The following GNB1 variants were observed in gnomAD, a reference collection of about 807,000 sequenced individuals.
GNB1 encodes guanine nucleotide-binding protein G(I)/G(S)/G(T) subunit beta-1.
Under a neutral mutation model 42.9 loss-of-function variants are expected in GNB1, and 2 were observed. The observed-to-expected ratio is 0.05, with a 90% CI of 0.02 to 0.15. The LOEUF is 0.15. GNB1 is among the 10% of genes least tolerant of loss of function. The pLI, the probability that GNB1 is intolerant of heterozygous loss-of-function variation, is 1.00. For missense variants in GNB1, 193 were observed against 462.2 expected (o/e 0.42, Z 5.34); for synonymous variants, 183 against 174.7 (o/e 1.05, Z -0.38).
intron 2 of GNB1, among the ~76,000 whole-genome samples, chr1:1,837,105 A>T (rs1019090090): frequency 1.9e-4 from 29 of 152,072 alleles, no homozygotes; most frequent in African/African-American, 6.5e-4. Flanking sequence ...TAAGGAGCAG[A>T]AGTTTTAAAT....
At chr1:1,828,536 TA>T (rs368736838) in intron 2 of GNB1, among the ~76,000 whole-genome samples, 11 of 152,324 alleles carry the variant, frequency 7.2e-5, no homozygotes, top group African/African-American at 2.6e-4. Flanking sequence ...TAAGTATCTT[TA>T]AAATGAGCTC....
intron 5 of GNB1, among the ~76,000 whole-genome samples, chr1:1,808,072 T>C (rs1570646931): frequency 1.3e-5 from 2 of 151,800 alleles, no homozygotes; most frequent in African/African-American, 2.4e-5. Flanking sequence ...CAATGGTGCG[T>C]CGGCTCACCG....
chr1:1,857,146 C>T (rs539834023), intron 1 of GNB1, among the ~76,000 whole-genome samples: 2 of 152,210 alleles, frequency 1.3e-5, no homozygotes, highest in Non-Finnish European at 2.9e-5. Flanking sequence ...TAAAACTACT[C>T]CTGACTTCAC....
In GNB1 at chr1:1,818,052, A is replaced by G. The variant is rs189548894; in HGVS notation, c.58-177T>C. 591 of 575,086 alleles carry G rather than the reference A, an allele frequency of 1.0e-3. 2 individuals carry two copies. The highest frequency in any genetic ancestry group is 1.3e-3 in the Non-Finnish European group (395 of 309,422). 35.6% of individuals were successfully genotyped at this position (575,086 alleles called of 1,614,324 possible). On this transcript the variant is annotated intron_variant, in intron 3 of 11. Coordinates refer to ENST00000378609, the MANE Select transcript of GNB1 (RefSeq NM_002074.5). ...CCCCATGGTCTACTACCATCTGTGGACTGTCCAGGCCACGCTGAACAGAGA... is the reference window on the plus strand; with the variant it reads ...CCCCATGGTCTACTACCATCTGTGGGCTGTCCAGGCCACGCTGAACAGAGA...
chr1:1,843,006 A>G (rs1027202945), intron 1 of GNB1, among the ~76,000 whole-genome samples: 2 of 152,210 alleles, frequency 1.3e-5, no homozygotes, highest in Non-Finnish European at 2.9e-5. Flanking sequence ...CCCCAGGAGG[A>G]TATCTGGCAG....
rs145261645 is a variant in GNB1, at chr1:1,827,543, G to A, written c.-46-2044C>T. Among the ~76,000 whole-genome samples the A allele has an allele frequency of 3.0e-3, 450 of 152,308 alleles. 6 individuals carry two copies. Among genetic ancestry groups the A allele is most frequent in the African/African-American group, 0.01 (427 of 41,568 alleles). On this transcript the variant is annotated intron_variant, in intron 2 of 11. Coordinates refer to ENST00000378609, the MANE Select transcript of GNB1 (RefSeq NM_002074.5). The stretch of plus-strand genomic sequence containing the variant: ...CAGTTTATTCTTAAGGGATAAGACT[G>A]GTTAATTCTTTCCCTGGTTTTCACA...
chr1:1,864,337 G>GAAAAAAAAAAAA (rs1245850367), intron 1 of GNB1, among the ~76,000 whole-genome samples: 3 of 91,158 alleles, frequency 3.3e-5, no homozygotes, highest in Non-Finnish European at 4.2e-5. Context: ...AAAAAAAAAA[G>GAAAAAAAAAAAA]AAGAAAACCC....
At chr1:1,887,422 C>T (rs1458367244) in intron 1 of GNB1, among the ~76,000 whole-genome samples, 1 of 152,228 alleles carries the variant, frequency 6.6e-6, no homozygotes, top group Non-Finnish European at 1.5e-5. Context: ...TGGACCAACA[C>T]ACACATAAAA....
rs773238613 is a variant in GNB1 at position 1,825,492 on chromosome 1, T to C, written c.-39A>G. ...TGCTCTTCAATGCCACCTTCAAGAA[T>C]GTGAGATCTGAAACAGAAAGACAAG... On this transcript the variant is annotated 5_prime_UTR_variant, in exon 3 of 12. Coordinates refer to ENST00000378609, the MANE Select transcript of GNB1 (RefSeq NM_002074.5). The C allele has an allele frequency of 1.4e-6, 2 of 1,411,292 alleles. No homozygotes were observed. Among genetic ancestry groups the C allele is most frequent in the East Asian group, 4.6e-5 (2 of 43,938 alleles). The allele number at this position is 1,411,292 out of a possible 1,614,324, so 87.4% of individuals were successfully genotyped here.
chr1:1,791,526 C>T (rs555498925), intron 8 of GNB1, among the ~76,000 whole-genome samples: 4 of 152,328 alleles, frequency 2.6e-5, no homozygotes, highest in Admixed American at 6.5e-5. Flanking sequence ...AAAGGTGAGA[C>T]GCTGACAGAG....
intron 1 of GNB1, among the ~76,000 whole-genome samples, chr1:1,856,085 C>A (rs1327234331): frequency 6.6e-6 from 1 of 151,862 alleles, no homozygotes; most frequent in East Asian, 1.9e-4. Flanking sequence ...TGCAGTGGCA[C>A]CATCATAGCT....
At chr1:1,883,814 G>T (rs942957505) in intron 1 of GNB1, among the ~76,000 whole-genome samples, 2 of 152,112 alleles carry the variant, frequency 1.3e-5, no homozygotes, top group Non-Finnish European at 2.9e-5. Context: ...AGCTGAGCTG[G>T]GCTCTAACTC....
chr1:1,809,896 C>G (rs1449315789), intron 5 of GNB1, among the ~76,000 whole-genome samples: 1 of 152,024 alleles, frequency 6.6e-6, no homozygotes, highest in Non-Finnish European at 1.5e-5. Flanking sequence ...GCTCCAGGAC[C>G]CTGAAAGTAG....
chr1:1,805,908 C>T (rs942878384), intron 6 of GNB1, among the ~76,000 whole-genome samples: 1 of 152,156 alleles, frequency 6.6e-6, no homozygotes, highest in African/African-American at 2.4e-5. Flanking sequence ...CCACATCTCT[C>T]CCACTGTTTT....
intron 1 of GNB1, among the ~76,000 whole-genome samples, chr1:1,862,702 G>T (rs566233708): frequency 6.6e-6 from 1 of 151,912 alleles, no homozygotes; most frequent in Non-Finnish European, 1.5e-5. Context: ...TCAAGCAATC[G>T]GCTGCCTTGA....
intron 5 of GNB1, among the ~76,000 whole-genome samples, chr1:1,813,985 G>A (rs1299082666): frequency 6.6e-6 from 1 of 152,078 alleles, no homozygotes. Context: ...TGAAACACAC[G>A]TTATTATGAA....
intron 5 of GNB1, among the ~76,000 whole-genome samples, chr1:1,808,791 G>A (rs899375717): frequency 2.6e-5 from 4 of 151,972 alleles, no homozygotes; most frequent in East Asian, 1.9e-4. Flanking sequence ...TTACAGGTAC[G>A]TGCCACCACA....
intron 1 of GNB1, among the ~76,000 whole-genome samples, chr1:1,862,320 G>A (rs1648676999): frequency 6.6e-6 from 1 of 152,154 alleles, no homozygotes; most frequent in Non-Finnish European, 1.5e-5. Flanking sequence ...TAACTCCTGG[G>A]ACCTCCTCTT....
At chr1:1,816,663 T>C (rs1646861354) in intron 4 of GNB1, among the ~76,000 whole-genome samples, 1 of 148,714 alleles carries the variant, frequency 6.7e-6, no homozygotes, top group South Asian at 2.1e-4. Flanking sequence ...TTTTTTTTTT[T>C]TTTAAGATGG....
Sources: allele counts gnomAD v4.1 joint callset (sites outside exome capture counted in the v4.1 genomes callset), GRCh38; gene constraint gnomAD v4.1.1; transcripts MANE v1.5; gene names NCBI Gene and HGNC (gene_info 2026-07-23, HGNC 2026-07-21).